The following KLF11 variants were observed in gnomAD, a reference collection of about 807,000 sequenced individuals.
KLF11 encodes the protein KLF transcription factor 11.
KLF11 carries 26 observed loss-of-function variants against 29.9 expected under a neutral mutation model. The ratio of observed to expected loss-of-function variants is 0.87; its 90% CI spans 0.64 to 1.21. The LOEUF (loss-of-function observed/expected upper bound fraction) is 1.21. Ranked by LOEUF, KLF11 falls within the 50% of genes most tolerant of loss-of-function variation. The pLI is 0.00. For synonymous variants in KLF11, 318 were observed against 257.4 expected (o/e 1.24, Z -2.25); for missense variants, 778 against 665.7 (o/e 1.17, Z -1.86).
In KLF11 at chr2:10,048,355, A is replaced by C. The variant is rs747256138; in HGVS notation, c.1018A>C (p.Met340Leu). ...VGPAVPQGAV[M>L]LVLPQGALPP... ...ACCTGCTGTGCCTCAGGGAGCTGTG[A>C]TGTTGGTCCTGCCCCAGGGAGCCCT... Residue 340 changes from methionine (M) to leucine (L), a missense_variant, in exon 3 of 4, where the codon ATG becomes CTG. Coordinates refer to ENST00000305883, the MANE Select transcript of KLF11 (RefSeq NM_003597.5). 6.2e-7 allele frequency: 1 copy of C among 1,609,438 alleles called. No homozygotes were observed. The highest frequency in any genetic ancestry group is 1.7e-4 in the Middle Eastern group (1 of 6,036).
rs113527829 is a variant in KLF11, at chr2:10,053,487, T to C, written c.*980T>C. ...TCAGAAAAAAAGGAAATGTCTGTAT[T>C]GGTTGGATGAAACTCCACCAGAGCA... On this transcript the variant is annotated 3_prime_UTR_variant, in exon 4 of 4. Transcript: ENST00000305883. 567 of 398,714 alleles carry C rather than the reference T, an allele frequency of 1.4e-3. 3 individuals carry two copies. Among genetic ancestry groups the C allele is most frequent in the African/African-American group, 0.01 (509 of 48,758 alleles). 24.7% of individuals were successfully genotyped at this position (398,714 alleles called of 1,614,324 possible).
chr2:10,052,325 AAGT>A lies in KLF11; in HGVS notation c.1358_1360del (p.Lys453_Phe454delinsIle). 1.9e-6 allele frequency: 3 copies of A among 1,614,078 alleles called. No individual in the cohort carries two copies. Among genetic ancestry groups the A allele is most frequent in the Non-Finnish European group, 2.5e-6 (3 of 1,180,008 alleles). On this transcript the variant is annotated inframe_deletion, in exon 4 of 4. Transcript: ENST00000305883. ...CCGCAGAACTCACACAGGGGAGAAG[AAGT>A]TTGTGTGCCCGGTGTGTGACCGACG...
rs1365868066 is a variant in KLF11 at position 10,054,563 on chromosome 2, GA to G, written c.*2058del. The G allele has an allele frequency of 1.3e-5, 2 of 152,656 alleles. No individual in the cohort carries two copies. Among genetic ancestry groups the G allele is most frequent in the Non-Finnish European group, 2.9e-5 (2 of 68,046 alleles). 9.5% of individuals were successfully genotyped at this position (152,656 alleles called of 1,614,324 possible). ...AGTTCCTGTCTGAAAACTCTTCTGA[GA>G]ACCACAAACCTTGTGTATGGATTCG... On this transcript the variant is annotated 3_prime_UTR_variant, in exon 4 of 4. Transcript: ENST00000305883.
At position 10,052,538 on chromosome 2, in the gene KLF11, T is replaced by G. The variant is rs1359870446; in HGVS notation, c.*31T>G. ...CCATTAGGACATCACTCATGGGATT[T>G]TTAAAAAGCCTCTTTCCAGGAATGG... On this transcript the variant is annotated 3_prime_UTR_variant, in exon 4 of 4. Transcript: ENST00000305883. The G allele has an allele frequency of 6.2e-7, 1 of 1,609,722 alleles. No individual in the cohort carries two copies. The highest frequency in any genetic ancestry group is 1.3e-5 in the African/African-American group (1 of 74,858).
intron 3 of KLF11, among the ~76,000 whole-genome samples, chr2:10,051,813 G>A (rs1201122765): frequency 1.3e-5 from 2 of 152,106 alleles, no homozygotes; most frequent in African/African-American, 2.4e-5. Context: ...CACTGCGCCT[G>A]GCTGGATGCT....
At position 10,043,762 on chromosome 2, in the gene KLF11, A is replaced by G; in HGVS notation, c.42+4A>G. 1 of 1,370,058 alleles carries G rather than the reference A, an allele frequency of 7.3e-7. No individual in the cohort carries two copies. The highest frequency in any genetic ancestry group is 9.6e-7 in the Non-Finnish European group (1 of 1,044,966). The allele number at this position is 1,370,058 out of a possible 1,614,324, so 84.9% of individuals were successfully genotyped here. On this transcript the variant is annotated splice_donor_region_variant and intron_variant, in intron 1 of 3. Coordinates refer to ENST00000305883, the MANE Select transcript of KLF11 (RefSeq NM_003597.5). ...AGGCCCAGACGACGCGCGCGCAGTG[A>G]GTGGTGGGGCTGCCGCGGCGGGACT...
Position 10,048,431 on chromosome 2 carries a change from A to G in KLF11, c.1094A>G (p.Lys365Arg). The change falls in exon 3 of 4, where the codon AAG (lysine) becomes AGG (arginine). Residue 365 changes from lysine (K) to arginine (R), a missense_variant. Lys to Arg is a conservative substitution (Grantham distance 26, BLOSUM62 2). Coordinates refer to ENST00000305883, the MANE Select transcript of KLF11 (RefSeq NM_003597.5). ...AANVMAAGNTKLLPLAPAPVF... is the reference protein window; with the variant it reads ...AANVMAAGNTRLLPLAPAPVF... ...AATGTCATGGCTGCCGGGAATACCAAGTTGTTGCCCCTTGCCCCTGCTCCA... is the reference window on the plus strand; with the variant it reads ...AATGTCATGGCTGCCGGGAATACCAGGTTGTTGCCCCTTGCCCCTGCTCCA... The G allele has an allele frequency of 1.2e-6, 2 of 1,614,062 alleles. No homozygotes were observed. Among genetic ancestry groups the G allele is most frequent in the Non-Finnish European group, 1.7e-6 (2 of 1,180,006 alleles).
At position 10,048,394 on chromosome 2, in the gene KLF11, C is replaced by T. The variant is rs886054724; in HGVS notation, c.1057C>T (p.Pro353Ser). 2.5e-6 allele frequency: 4 copies of T among 1,613,816 alleles called. No individual in the cohort carries two copies. The highest frequency in any genetic ancestry group is 2.5e-6 in the Non-Finnish European group (3 of 1,179,708). ...LPQGALPPPA[P>S]CAANVMAAGN... is the part of the protein sequence containing the mutation. ...CCAGGGAGCCCTCCCTCCGCCTGCC[C>T]CCTGTGCAGCCAATGTCATGGCTGC... Residue 353 changes from proline to serine, a missense_variant, in exon 3 of 4, where the codon CCC (proline) becomes TCC (serine). Transcript: ENST00000305883.
rs1661470592 is a variant in KLF11, at chr2:10,053,528, G to A, written c.*1021G>A. On this transcript the variant is annotated 3_prime_UTR_variant, in exon 4 of 4. Coordinates refer to ENST00000305883, the MANE Select transcript of KLF11 (RefSeq NM_003597.5). ...CACCAGAGCACAGCTTAGCTGGGGCGAGATGCATGTGAAGGCAGGCAGTGC... is the reference window on the plus strand; with the variant it reads ...CACCAGAGCACAGCTTAGCTGGGGCAAGATGCATGTGAAGGCAGGCAGTGC... The A allele has an allele frequency of 5.0e-6, 2 of 398,086 alleles. No homozygotes were observed. Among genetic ancestry groups the A allele is most frequent in the African/African-American group, 2.1e-5 (1 of 48,636 alleles). The allele number at this position is 398,086 out of a possible 1,614,324, so 24.7% of individuals were successfully genotyped here.
intron 1 of KLF11, among the ~76,000 whole-genome samples, chr2:10,045,056 G>A (rs1661147020): frequency 6.6e-6 from 1 of 152,232 alleles, no homozygotes; most frequent in Non-Finnish European, 1.5e-5. Flanking sequence ...TGAGGCAGGA[G>A]AGTCGCTTGA....
At position 10,052,567 on chromosome 2, in the gene KLF11, TGATG is replaced by T. The variant is rs1306392305; in HGVS notation, c.*64_*67del. On this transcript the variant is annotated 3_prime_UTR_variant, in exon 4 of 4. Coordinates refer to ENST00000305883, the MANE Select transcript of KLF11 (RefSeq NM_003597.5). ...AAAAGCCTCTTTCCAGGAATGGAAC[TGATG>T]GATTCCTCTCCCACTGCCTCACCCA... 4 of 1,553,316 alleles carry T rather than the reference TGATG, an allele frequency of 2.6e-6. No individual in the cohort carries two copies. The African/African-American group carries it at 5.4e-5, about 21-fold the overall frequency.
In KLF11 at chr2:10,046,406, C is replaced by G; in HGVS notation, c.299C>G (p.Ser100Cys). 2 of 1,614,006 alleles carry G rather than the reference C, an allele frequency of 1.2e-6. No homozygotes were observed. Among genetic ancestry groups the G allele is most frequent in the African/African-American group, 1.3e-5 (1 of 75,034 alleles). Residue 100 changes from serine to cysteine, a missense_variant, in exon 2 of 4, where the codon TCT (serine) becomes TGT (cysteine). Transcript: ENST00000305883. ...CCTGAACTACCAAAAGACTTCCATT[C>G]TTTATCGACTCTGGTAAGAGGAGGT... ...ATPELPKDFH[S>C]LSTLCITPPQ...
At position 10,048,615 on chromosome 2, in the gene KLF11, G is replaced by T. The variant is rs1350850720; in HGVS notation, c.1258+20G>T. 1 of 1,548,848 alleles carries T rather than the reference G, an allele frequency of 6.5e-7. No individual in the cohort carries two copies. Among genetic ancestry groups the T allele is most frequent in the Non-Finnish European group, 8.8e-7 (1 of 1,133,596 alleles). On this transcript the variant is annotated intron_variant, in intron 3 of 3. Transcript: ENST00000305883. ...ACACAGGTAAGCGCTGGGGCAGGTG[G>T]GGCATTGGGCACACCAGACCCTGTG...
Position 10,052,703 on chromosome 2 carries a change from T to G in KLF11, c.*196T>G. On this transcript the variant is annotated 3_prime_UTR_variant, in exon 4 of 4. Coordinates refer to ENST00000305883, the MANE Select transcript of KLF11 (RefSeq NM_003597.5). ...GACCCTGTTCAGTATCTTTTGTAGTTTCAGAAGTTTTTTTGTTTTGGTTTT... is the reference window on the plus strand; with the variant it reads ...GACCCTGTTCAGTATCTTTTGTAGTGTCAGAAGTTTTTTTGTTTTGGTTTT... The G allele has an allele frequency of 4.1e-6, 2 of 488,570 alleles. No individual in the cohort carries two copies. Among genetic ancestry groups the G allele is most frequent in the South Asian group, 3.9e-5 (1 of 25,476 alleles). 30.3% of individuals were successfully genotyped at this position (488,570 alleles called of 1,614,324 possible).
Position 10,047,809 on chromosome 2 carries a change from C to T in KLF11, c.472C>T (p.Leu158=). 6.2e-7 allele frequency: 1 copy of T among 1,613,706 alleles called. No homozygotes were observed. The highest frequency in any genetic ancestry group is 8.5e-7 in the Non-Finnish European group (1 of 1,179,972). ...GAGCGGGGGCGCGGAGAGGGGCTTG[C>T]TGGGTTTGGAGCCAGTGCCCAGCTC... ...ALSGGAERGL[L]GLEPVPSSPC... Residue 158 remains leucine, a synonymous_variant, in exon 3 of 4, where the codon CTG becomes TTG. Coordinates refer to ENST00000305883, the MANE Select transcript of KLF11 (RefSeq NM_003597.5).
chr2:10,051,752 T>C (rs1423551726), intron 3 of KLF11, among the ~76,000 whole-genome samples: 8 of 125,656 alleles, frequency 6.4e-5, no homozygotes, highest in East Asian at 4.9e-4. Context: ...CTTCTGACTT[T>C]GTGATCCGCC....
rs529075141 is a variant in KLF11, at chr2:10,049,970, T to C, written c.1258+1375T>C. Among the ~76,000 whole-genome samples, 6 of 152,208 alleles carry C rather than the reference T, an allele frequency of 3.9e-5. No individual in the cohort carries two copies. The East Asian group carries it at 1.2e-3, about 29-fold the overall frequency. On this transcript the variant is annotated intron_variant, in intron 3 of 3. Transcript: ENST00000305883. ...TCACCGGGACTCTCCAGGGGAACTT[T>C]GCATTACACCAGAGCACAGCTTCCA...
intron 1 of KLF11, chr2:10,044,467 C>T: frequency 1.0e-6 from 1 of 984,064 alleles, no homozygotes; most frequent in Non-Finnish European, 1.2e-6. Flanking sequence ...TCGGCCTCGG[C>T]GCCCGGTTCT....
At chr2:10,052,116 C>A in intron 3 of KLF11, 111 bp from the exon 4 acceptor site, 2 of 1,125,340 alleles carry the variant, frequency 1.8e-6, no homozygotes, top group Non-Finnish European at 2.7e-6. Flanking sequence ...TAATAAGATA[C>A]CACTTTCTTC....
Sources: gnomAD v4.1 joint callset for allele counts (sites outside exome capture counted in the v4.1 genomes callset) on GRCh38, gnomAD v4.1.1 for gene constraint, MANE v1.5 for transcripts, NCBI Gene and HGNC (gene_info 2026-07-23, HGNC 2026-07-21) for gene names.